Variants in PTPRE observed in about 807,000 individuals in gnomAD.
PTPRE encodes receptor-type tyrosine-protein phosphatase epsilon.
In PTPRE, 51 loss-of-function variants were observed where a neutral mutation model predicts 102.0. The observed-to-expected ratio is 0.50, with a 90% CI of 0.40 to 0.63. The LOEUF (loss-of-function observed/expected upper bound fraction) is 0.63, where lower values mean the gene tolerates loss of function less well. Among genes scored for constraint, PTPRE ranks in the 30% least tolerant of loss-of-function variants. The pLI, the probability that PTPRE is intolerant of heterozygous loss-of-function variation, is 0.00. For synonymous variants in PTPRE, 345 were observed against 348.2 expected (o/e 0.99, Z 0.10); for missense variants, 752 against 915.1 (o/e 0.82, Z 2.30).
At chr10:128,015,613 G>A (rs144336051) in intron 2 of PTPRE, among the ~76,000 whole-genome samples, 144 of 152,200 alleles carry the variant, frequency 9.5e-4, no homozygotes, top group African/African-American at 3.2e-3. Flanking sequence ...TGATCCACCC[G>A]CCTCAGCCTC....
At chr10:128,060,447 AC>A (rs1849484641) in intron 7 of PTPRE, among the ~76,000 whole-genome samples, 1 of 151,620 alleles carries the variant, frequency 6.6e-6, no homozygotes, top group Admixed American at 6.6e-5. Context: ...CCAATCCTAG[AC>A]CCCCACATCC....
chr10:128,082,196 T>TC (rs370540400), intron 20 of PTPRE, among the ~76,000 whole-genome samples: 31,118 of 66,820 alleles, frequency 0.47, 7,707 homozygotes, highest in Middle Eastern at 0.56. Context: ...TTTCTCTTTC[T>TC]TTTTTTTTTT....
intron 10 of PTPRE, among the ~76,000 whole-genome samples, chr10:128,064,461 G>A (rs59622882): frequency 0.15 from 22,612 of 152,274 alleles, 2,129 homozygotes; most frequent in South Asian, 0.23. Context: ...CTCTGCCTGC[G>A]CTGTAGCGGC....
intron 1 of PTPRE, among the ~76,000 whole-genome samples, chr10:127,957,444 T>C (rs542277412): frequency 1.3e-5 from 2 of 152,358 alleles, no homozygotes; most frequent in South Asian, 2.1e-4. Flanking sequence ...ATTTGTTACA[T>C]AGATAATCAT....
At chr10:128,020,601 A>G (rs1447640595) in intron 2 of PTPRE, among the ~76,000 whole-genome samples, 2 of 152,220 alleles carry the variant, frequency 1.3e-5, no homozygotes, top group Non-Finnish European at 2.9e-5. Context: ...CGGTTTTGAC[A>G]TTAAGGAAAT....
intron 2 of PTPRE, among the ~76,000 whole-genome samples, chr10:128,009,045 C>G (rs1488505246): frequency 6.6e-6 from 1 of 152,226 alleles, no homozygotes; most frequent in Non-Finnish European, 1.5e-5. Flanking sequence ...CGGCCAGCTA[C>G]AGTGTCACCT....
rs115794245 is a variant in PTPRE at position 127,999,984 on chromosome 10, C to G, written c.-8+17688C>G. ...TCTGTAAGTATCCATGGATGCACAG[C>G]GCAGACGCGGAAAGGGATCCCCAGA... On this transcript the variant is annotated intron_variant, in intron 2 of 20. Transcript: ENST00000254667. The G allele has an allele frequency of 7.3e-4, 714 of 984,258 alleles. 7 individuals are homozygous for G. The African/African-American group carries it at 0.011, about 14-fold the overall frequency. The allele number at this position is 984,258 out of a possible 1,614,324, so 61.0% of individuals were successfully genotyped here.
intron 2 of PTPRE, among the ~76,000 whole-genome samples, chr10:128,038,935 C>G (rs529858318): frequency 6.6e-6 from 1 of 152,150 alleles, no homozygotes; most frequent in East Asian, 1.9e-4. Context: ...TGAGCACTTC[C>G]GGACCTCAGT....
chr10:128,047,405 G>A lies in PTPRE; in HGVS notation c.125G>A (p.Gly42Asp). 1 of 1,612,890 alleles carries A rather than the reference G, an allele frequency of 6.2e-7. No homozygotes were observed. Among genetic ancestry groups the A allele is most frequent in the Non-Finnish European group, 8.5e-7 (1 of 1,179,918 alleles). Residue 42 changes from glycine (G) to aspartate (D), a missense_variant, in exon 4 of 21, where the codon GGC becomes GAC. This residue lies in a region of PTPRE where 116 missense variants were observed against 90.8 expected (regional missense o/e 1.28). Coordinates refer to ENST00000254667, the MANE Select transcript of PTPRE (RefSeq NM_006504.6). Reference protein sequence around the residue: ...TTTTSGPPDPGASQPLLAWLL... With the variant: ...TTTTSGPPDPDASQPLLAWLL... ...TCTCCTGCAGGCCCTCCGGACCCGG[G>A]CGCCTCCCAGCCGCTGCTGGCCTGG...
chr10:127,956,951 T>C lies in PTPRE; in HGVS notation c.-30-25323T>C, dbSNP rs542315959. On this transcript the variant is annotated intron_variant, in intron 1 of 20. Transcript: ENST00000254667. Reference sequence around the variant, plus strand: ...TCTTATTGTGAGTTTTAAGAGTTTTTTTTGTACATTATTGATAAAAATCCT... The same window carrying C: ...TCTTATTGTGAGTTTTAAGAGTTTTCTTTGTACATTATTGATAAAAATCCT... Among the ~76,000 whole-genome samples the C allele has an allele frequency of 2.6e-5, 4 of 152,332 alleles. No individual in the cohort carries two copies. In the East Asian group the frequency reaches 7.7e-4, roughly 29 times the overall value.
intron 2 of PTPRE, among the ~76,000 whole-genome samples, chr10:127,982,696 T>C (rs761130546): frequency 1.3e-5 from 2 of 152,192 alleles, no homozygotes; most frequent in African/African-American, 2.4e-5. Context: ...ATTGCATTGA[T>C]GGTAACTGCT....
chr10:127,915,347 T>G (rs1004621832), intron 1 of PTPRE, among the ~76,000 whole-genome samples: 1 of 152,226 alleles, frequency 6.6e-6, no homozygotes, highest in Non-Finnish European at 1.5e-5. Context: ...CAACCTTAGT[T>G]TCATAAACAG....
At chr10:128,029,568 G>T (rs1846556537) in intron 2 of PTPRE, among the ~76,000 whole-genome samples, 1 of 152,234 alleles carries the variant, frequency 6.6e-6, no homozygotes, top group African/African-American at 2.4e-5. Flanking sequence ...TTCCCTGAGG[G>T]CGGTGCACTG....
chr10:127,937,840 C>T (rs1847943579), intron 1 of PTPRE, among the ~76,000 whole-genome samples: 1 of 152,030 alleles, frequency 6.6e-6, no homozygotes, highest in South Asian at 2.1e-4. Flanking sequence ...GCCTGGGAGG[C>T]AAAGCGAGAC....
At chr10:128,016,998 AG>A (rs1845488884) in intron 2 of PTPRE, among the ~76,000 whole-genome samples, 1 of 152,152 alleles carries the variant, frequency 6.6e-6, no homozygotes, top group Non-Finnish European at 1.5e-5. Flanking sequence ...GTGGAAGATG[AG>A]GCACATCTTG....
intron 1 of PTPRE, among the ~76,000 whole-genome samples, chr10:127,971,609 T>A (rs1202574446): frequency 6.6e-6 from 1 of 152,244 alleles, no homozygotes; most frequent in East Asian, 1.9e-4. Context: ...GAAGGTCAGA[T>A]GTGTGCCCAT....
chr10:128,032,867 T>A (rs185922021), intron 2 of PTPRE, among the ~76,000 whole-genome samples: 9 of 152,230 alleles, frequency 5.9e-5, no homozygotes, highest in Non-Finnish European at 1.3e-4. Flanking sequence ...ATGGTGTGAA[T>A]CTGCAACTCT....
At chr10:127,937,119 G>A (rs1460013953) in intron 1 of PTPRE, among the ~76,000 whole-genome samples, 1 of 152,152 alleles carries the variant, frequency 6.6e-6, no homozygotes, top group Non-Finnish European at 1.5e-5. Context: ...TAAATCCAAG[G>A]TGAAGGTGTT....
At chr10:128,055,663 C>T (rs1848894630) in intron 6 of PTPRE, among the ~76,000 whole-genome samples, 1 of 152,170 alleles carries the variant, frequency 6.6e-6, no homozygotes, top group African/African-American at 2.4e-5. Context: ...CCCAGGACCG[C>T]TCTATTCATC....
Sources: allele counts gnomAD v4.1 joint callset (sites outside exome capture counted in the v4.1 genomes callset), GRCh38; gene constraint gnomAD v4.1.1; regional missense constraint gnomAD v4.1.1; transcripts MANE v1.5; gene names NCBI Gene and HGNC (gene_info 2026-07-23, HGNC 2026-07-21).